Variants in ZBTB33 observed in about 807,000 individuals in gnomAD.
The protein encoded by ZBTB33 is zinc finger and BTB domain containing 33, also known as transcriptional regulator Kaiso.
Under a neutral mutation model 25.9 loss-of-function variants are expected in ZBTB33, and 11 were observed. The ratio of observed to expected loss-of-function variants is 0.42; its 90% CI spans 0.27 to 0.70. ZBTB33 has a LOEUF of 0.70. ZBTB33 is among the 30% of genes least tolerant of loss of function. ZBTB33 has a pLI of 0.23. For missense variants in ZBTB33, 343 were observed against 501.1 expected (o/e 0.68, Z 3.01); for synonymous variants, 157 against 184.8 (o/e 0.85, Z 1.22).
At position 120,256,430 on chromosome X, in the gene ZBTB33, A is replaced by T. The variant is rs1314606814; in HGVS notation, c.*996A>T. The T allele has an allele frequency of 7.4e-5, 9 of 122,239 alleles. 1 individual carries two copies. Among genetic ancestry groups the T allele is most frequent in the African/African-American group, 2.9e-4 (9 of 30,520 alleles). 10.1% of individuals were successfully genotyped at this position (122,239 alleles called of 1,213,427 possible). A position where few individuals can be genotyped will look rare whatever the true frequency, so the allele number is the denominator to read the frequency against. ...ATTTTTAAATGTTCATATTGCGTAG[A>T]ATCTCCACTAGGAAGTCTTTATTTG... On this transcript the variant is annotated 3_prime_UTR_variant, in exon 3 of 3. Transcript: ENST00000557385.
At position 120,254,155 on chromosome X, in the gene ZBTB33, A is replaced by G. The variant is rs782807892; in HGVS notation, c.740A>G (p.Gln247Arg). The change falls in exon 3 of 3, where the codon CAG becomes CGG. Residue 247 changes from glutamine to arginine, a missense_variant. This residue lies in a region of ZBTB33 where 304 missense variants were observed against 410.0 expected (regional missense o/e 0.74). Transcript: ENST00000557385. The stretch of plus-strand genomic sequence containing the variant: ...CCTTTAACAAATATCACACCTACTC[A>G]GAAACTTCCTACTCCTGTGAATCAG... Reference protein sequence around the residue: ...SPPLTNITPTQKLPTPVNQAT... With the variant: ...SPPLTNITPTRKLPTPVNQAT... 2.5e-6 allele frequency: 3 copies of G among 1,211,636 alleles called. No individual in the cohort carries two copies. The highest frequency in any genetic ancestry group is 2.2e-5 in the Admixed American group (1 of 46,030).
rs1556014813 is a variant in ZBTB33 at position 120,253,996 on chromosome X, A to ATGG, written c.583_584insGTG (p.Asp194_Val195insGly). 8.3e-7 allele frequency: 1 copy of ATGG among 1,209,105 alleles called. No individual in the cohort carries two copies. The highest frequency in any genetic ancestry group is 1.1e-6 in the Non-Finnish European group (1 of 893,763). On this transcript the variant is annotated inframe_insertion, in exon 3 of 3. Transcript: ENST00000557385. ...ACCGATTCTGATGATGATGATGATG[A>ATGG]TGTCATTTTTTGCTCCGAGATTCTG...
rs1425825988 is a variant in ZBTB33, at chrX:120,253,518, A to C, written c.103A>C (p.Thr35Pro). 1 of 1,210,325 alleles carries C rather than the reference A, an allele frequency of 8.3e-7. No individual in the cohort carries two copies. The highest frequency in any genetic ancestry group is 1.1e-6 in the Non-Finnish European group (1 of 895,371). ...QRGHGLFCDV[T>P]VIVEDRKFRA... ...TGGCCATGGACTCTTCTGTGATGTT[A>C]CCGTTATTGTGGAAGACCGAAAATT... The change falls in exon 3 of 3, where the codon ACC becomes CCC. Residue 35 changes from threonine (T) to proline (P), a missense_variant. This residue lies in a region of ZBTB33 where 39 missense variants were observed against 91.1 expected (regional missense o/e 0.43). Coordinates refer to ENST00000557385, the MANE Select transcript of ZBTB33 (RefSeq NM_001184742.2).
intron 1 of ZBTB33, among the ~76,000 whole-genome samples, chrX:120,251,836 C>T (rs1242104452): frequency 8.9e-6 from 1 of 112,238 alleles, no homozygotes. Flanking sequence ...GAAACGAAAC[C>T]GAGTCCCAGT....
intron 1 of ZBTB33, among the ~76,000 whole-genome samples, chrX:120,251,360 C>T (rs927281479): frequency 1.6e-4 from 18 of 110,461 alleles, no homozygotes; most frequent in African/African-American, 5.6e-4. Context: ...CCTTCCGTCC[C>T]CTTCCCGGGG....
In ZBTB33 at chrX:120,253,690, G is replaced by A. The variant is rs144355341; in HGVS notation, c.275G>A (p.Arg92His). 6 of 1,210,192 alleles carry A rather than the reference G, an allele frequency of 5.0e-6. No individual in the cohort carries two copies. The highest frequency in any genetic ancestry group is 1.7e-5 in the African/African-American group (1 of 57,166). ...TATATCTATAGTTCTAAAATTGTTCGTGTTAGATCAGATTTGCTTGATGAG... is the reference window on the plus strand; with the variant it reads ...TATATCTATAGTTCTAAAATTGTTCATGTTAGATCAGATTTGCTTGATGAG... Reference protein sequence around the residue: ...LNYIYSSKIVRVRSDLLDELI... With the variant: ...LNYIYSSKIVHVRSDLLDELI... The change falls in exon 3 of 3, where the codon CGT becomes CAT. Residue 92 changes from arginine to histidine, a missense_variant. Coordinates refer to ENST00000557385, the MANE Select transcript of ZBTB33 (RefSeq NM_001184742.2).
Position 120,255,122 on chromosome X carries a change from A to G in ZBTB33, c.1707A>G (p.Ile569Met), listed in dbSNP as rs782607906. 30 of 1,212,201 alleles carry G rather than the reference A, an allele frequency of 2.5e-5. No homozygotes were observed. The highest frequency in any genetic ancestry group is 3.0e-5 in the Non-Finnish European group (27 of 895,588). The stretch of plus-strand genomic sequence containing the variant: ...ACTATCAGTTTATGTCTTCACATAT[A>G]AAGTCAGTTCATAGTCAAGATCCTT... ...FINYQFMSSH[I>M]KSVHSQDPSG... is the part of the protein sequence containing the mutation. Residue 569 changes from isoleucine to methionine, a missense_variant, in exon 3 of 3, where the codon ATA becomes ATG. Transcript: ENST00000557385.
chrX:120,254,462 C>T lies in ZBTB33; in HGVS notation c.1047C>T (p.Ala349=), dbSNP rs2285406. 144 of 1,209,602 alleles carry T rather than the reference C, an allele frequency of 1.2e-4. No homozygotes were observed. The East Asian group carries it at 4.0e-3, about 34-fold the overall frequency. The change falls in exon 3 of 3, where the codon GCC becomes GCT. Residue 349 remains alanine (A), a synonymous_variant. Transcript: ENST00000557385. ...DDTISSSPDS[A]VSNTSLVPQA... The stretch of plus-strand genomic sequence containing the variant: ...CTATTAGCTCCAGTCCTGACTCGGC[C>T]GTCAGTAATACATCTTTGGTCCCAC...
chrX:120,252,392 T>C (rs1210403096), intron 1 of ZBTB33, among the ~76,000 whole-genome samples: 1 of 111,180 alleles, frequency 9.0e-6, no homozygotes, highest in African/African-American at 3.3e-5. Flanking sequence ...CTCTGGCCTC[T>C]TTGTTACTGG....
At position 120,256,062 on chromosome X, in the gene ZBTB33, A is replaced by G. The variant is rs1168384941; in HGVS notation, c.*628A>G. The G allele has an allele frequency of 8.1e-6, 1 of 123,233 alleles. No individual in the cohort carries two copies. Among genetic ancestry groups the G allele is most frequent in the Admixed American group, 9.5e-5 (1 of 10,549 alleles). 10.2% of individuals were successfully genotyped at this position (123,233 alleles called of 1,213,427 possible). ...CTAATTAGAATTAATCCTGGCTTTC[A>G]TTGCCATAGTCTGTAAAAGACTTTG... On this transcript the variant is annotated 3_prime_UTR_variant, in exon 3 of 3. Coordinates refer to ENST00000557385, the MANE Select transcript of ZBTB33 (RefSeq NM_001184742.2).
Position 120,254,080 on chromosome X carries a change from G to T in ZBTB33, c.665G>T (p.Gly222Val), listed in dbSNP as rs2057619080. The change falls in exon 3 of 3, where the codon GGC (glycine) becomes GTC (valine). Residue 222 changes from glycine to valine, a missense_variant. Coordinates refer to ENST00000557385, the MANE Select transcript of ZBTB33 (RefSeq NM_001184742.2). ...GTGGCACAGGTCCAATCTAACCCAG[G>T]CCCTGTTGCTATTTCAGATGTTGCA... Reference protein sequence around the residue: ...NTVAQVQSNPGPVAISDVAPS... With the variant: ...NTVAQVQSNPVPVAISDVAPS... 3.3e-6 allele frequency: 4 copies of T among 1,211,073 alleles called. No homozygotes were observed. In the East Asian group the frequency reaches 8.9e-5, roughly 27 times the overall value.
chrX:120,252,371 G>GT (rs782784486), intron 1 of ZBTB33, among the ~76,000 whole-genome samples: 3 of 110,175 alleles, frequency 2.7e-5, no homozygotes, highest in Admixed American at 9.6e-5. Flanking sequence ...TAATATATGG[G>GT]TTTTTTTAAA....
rs2057632630 is a variant in ZBTB33 at position 120,255,525 on chromosome X, A to T, written c.*91A>T. On this transcript the variant is annotated 3_prime_UTR_variant, in exon 3 of 3. Coordinates refer to ENST00000557385, the MANE Select transcript of ZBTB33 (RefSeq NM_001184742.2). ...AACAAATTAAGGTGCGAACAAGTTA[A>T]TTTGATCTGCCACATTATCTGAAGG... is the stretch of plus-strand genomic sequence containing the variant. 1 of 726,652 alleles carries T rather than the reference A, an allele frequency of 1.4e-6. No individual in the cohort carries two copies. Among genetic ancestry groups the T allele is most frequent in the Non-Finnish European group, 2.0e-6 (1 of 495,580 alleles). 59.9% of individuals were successfully genotyped at this position (726,652 alleles called of 1,213,427 possible). A position where few individuals can be genotyped will look rare whatever the true frequency, so the allele number is the denominator to read the frequency against.
rs1236110563 is a variant in ZBTB33 at position 120,254,054 on chromosome X, A to G, written c.639A>G (p.Thr213=). The change falls in exon 3 of 3, where the codon ACA becomes ACG. Residue 213 remains threonine (T), a synonymous_variant. Transcript: ENST00000557385. ...AGGAGACTTTGCCGAGTAATAACAC[A>G]GTGGCACAGGTCCAATCTAACCCAG... The part of the protein sequence containing the change: ...PTKETLPSNN[T]VAQVQSNPGP... 9 of 1,208,988 alleles carry G rather than the reference A, an allele frequency of 7.4e-6. No individual in the cohort carries two copies. The highest frequency in any genetic ancestry group is 3.5e-5 in the African/African-American group (2 of 56,901).
In ZBTB33 at chrX:120,255,651, A is replaced by T. The variant is rs1454502645; in HGVS notation, c.*217A>T. 3 of 364,531 alleles carry T rather than the reference A, an allele frequency of 8.2e-6. No homozygotes were observed. The highest frequency in any genetic ancestry group is 1.0e-4 in the Admixed American group (2 of 19,124). 30.0% of individuals were successfully genotyped at this position (364,531 alleles called of 1,213,427 possible). ...TCCCCAAGTATCTGTTTATATAGTT[A>T]GTTTTCAGCTCATTTAAAAGAGGCA... On this transcript the variant is annotated 3_prime_UTR_variant, in exon 3 of 3. Coordinates refer to ENST00000557385, the MANE Select transcript of ZBTB33 (RefSeq NM_001184742.2).
chrX:120,256,641 A>C lies in ZBTB33; in HGVS notation c.*1207A>C, dbSNP rs2057639618. Reference sequence around the variant, plus strand: ...CTTGACAACAATAAATACCACTTTTAAAAATGACACATATTTAAACACTTA... The same window carrying C: ...CTTGACAACAATAAATACCACTTTTCAAAATGACACATATTTAAACACTTA... On this transcript the variant is annotated 3_prime_UTR_variant, in exon 3 of 3. Coordinates refer to ENST00000557385, the MANE Select transcript of ZBTB33 (RefSeq NM_001184742.2). The C allele has an allele frequency of 8.1e-6, 1 of 123,185 alleles. No homozygotes were observed. Among genetic ancestry groups the C allele is most frequent in the South Asian group, 3.7e-4 (1 of 2,722 alleles). 10.2% of individuals were successfully genotyped at this position (123,185 alleles called of 1,213,427 possible).
At chrX:120,251,114 T>C (rs1017929227) in intron 1 of ZBTB33, 137 bp downstream of exon 1, 2 of 111,502 alleles carry the variant, frequency 1.8e-5, no homozygotes, top group Non-Finnish European at 3.8e-5. Context: ...CTCCGGCTCT[T>C]TCTTTGTGTG....
rs782436081 is a variant in ZBTB33 at position 120,257,330 on chromosome X, A to G, written c.*1896A>G. ...TCAGTGAAAATTTGTTTTGAGTTTC[A>G]TTAATGCTATTTCACCAGTTAGACA... On this transcript the variant is annotated 3_prime_UTR_variant, in exon 3 of 3. Transcript: ENST00000557385. 8.2e-6 allele frequency: 1 copy of G among 122,549 alleles called. No individual in the cohort carries two copies. Among genetic ancestry groups the G allele is most frequent in the African/African-American group, 3.2e-5 (1 of 30,883 alleles). The allele number at this position is 122,549 out of a possible 1,213,427, so 10.1% of individuals were successfully genotyped here.
rs782312277 is a variant in ZBTB33 at position 120,253,443 on chromosome X, A to G, written c.28A>G (p.Thr10Ala). Residue 10 changes from threonine to alanine, a missense_variant, in exon 3 of 3, where the codon ACA becomes GCA. By Grantham distance (58) the Thr-to-Ala change is moderately conservative (BLOSUM62 0). Transcript: ENST00000557385. ...GGAGAGTAGAAAACTGATTTCTGCT[A>G]CAGACATTCAGTACTCTGGCAGTCT... is the stretch of plus-strand genomic sequence containing the variant. MESRKLISA[T>A]DIQYSGSLLN... is the part of the protein sequence containing the mutation. The G allele has an allele frequency of 9.9e-6, 12 of 1,210,930 alleles. No individual in the cohort carries two copies. The highest frequency in any genetic ancestry group is 1.3e-5 in the Non-Finnish European group (12 of 894,926).
Sources: allele counts gnomAD v4.1 joint callset (sites outside exome capture counted in the v4.1 genomes callset), GRCh38; gene constraint gnomAD v4.1.1; regional missense constraint gnomAD v4.1.1; transcripts MANE v1.5; gene names NCBI Gene and HGNC (gene_info 2026-07-23, HGNC 2026-07-21).